WWOX: variants seen among roughly 807,000 people sequenced by gnomAD.
WWOX encodes the protein WW domain-containing oxidoreductase.
In WWOX, 69 loss-of-function variants were observed where a neutral mutation model predicts 46.2. The ratio of observed to expected loss-of-function variants is 1.49; its 90% CI spans 1.23 to 1.82. The LOEUF (loss-of-function observed/expected upper bound fraction) is 1.82. WWOX is among the 40% of genes most tolerant of loss of function. The probability of loss-of-function intolerance (pLI) is 0.00; values close to 1 mark genes in which losing one functional copy is unlikely to be tolerated. For synonymous variants in WWOX, 359 were observed against 202.6 expected, an observed-to-expected ratio of 1.77 and a Z score of -6.56; for missense variants, 919 against 542.6, an observed-to-expected ratio of 1.69 and a Z score of -6.89.
chr16:79,107,613 T>G (rs1041581367), intron 8 of WWOX, among the ~76,000 whole-genome samples: 1 of 152,098 alleles, frequency 6.6e-6, no homozygotes, highest in Non-Finnish European at 1.5e-5. Context: ...GATCACACTC[T>G]GCAGATCTCC....
At chr16:78,425,867 A>G (rs1741544898) in intron 7 of WWOX, among the ~76,000 whole-genome samples, 1 of 151,930 alleles carries the variant, frequency 6.6e-6, no homozygotes, top group African/African-American at 2.4e-5. Flanking sequence ...CAAGGGGCCT[A>G]TTTTTTCCTC....
At chr16:78,920,636 C>G (rs968461773) in intron 8 of WWOX, among the ~76,000 whole-genome samples, 2 of 152,102 alleles carry the variant, frequency 1.3e-5, no homozygotes, top group Non-Finnish European at 2.9e-5. Flanking sequence ...AGGTCAGGTA[C>G]CTGACCTGCT....
At chr16:78,808,642 C>T (rs753121537) in intron 8 of WWOX, among the ~76,000 whole-genome samples, 3 of 152,190 alleles carry the variant, frequency 2.0e-5, no homozygotes, top group Non-Finnish European at 2.9e-5. Flanking sequence ...AACAGAAAAA[C>T]ATGCCATCAT....
At chr16:78,113,252 A>G (rs1050177328) in intron 3 of WWOX, among the ~76,000 whole-genome samples, 2 of 152,182 alleles carry the variant, frequency 1.3e-5, no homozygotes, top group Non-Finnish European at 2.9e-5. Context: ...CTGCGCTCTA[A>G]TAGTCATCCA....
At chr16:78,365,776 G>A (rs1344723801) in intron 5 of WWOX, among the ~76,000 whole-genome samples, 5 of 151,970 alleles carry the variant, frequency 3.3e-5, no homozygotes, top group Admixed American at 1.3e-4. Context: ...GTGCTTCTGC[G>A]TGCCCCTCCT....
intron 8 of WWOX, among the ~76,000 whole-genome samples, chr16:79,030,709 C>G (rs562620021): frequency 1.2e-4 from 18 of 152,166 alleles, no homozygotes; most frequent in Non-Finnish European, 2.5e-4. Flanking sequence ...GTACCAGTAT[C>G]TTCTACCCTC....
At chr16:78,834,060 C>G (rs970686121) in intron 8 of WWOX, among the ~76,000 whole-genome samples, 7 of 152,256 alleles carry the variant, frequency 4.6e-5, no homozygotes, top group African/African-American at 1.4e-4. Flanking sequence ...AATCAGAACA[C>G]TGCTCACACA....
chr16:78,544,648 G>A (rs181084255), intron 8 of WWOX, among the ~76,000 whole-genome samples: 1 of 152,182 alleles, frequency 6.6e-6, no homozygotes, highest in African/African-American at 2.4e-5. Context: ...CACTTTGAGA[G>A]GATAACTTGA....
chr16:78,653,498 G>T (rs946909756), intron 8 of WWOX, among the ~76,000 whole-genome samples: 1 of 152,212 alleles, frequency 6.6e-6, no homozygotes, highest in Non-Finnish European at 1.5e-5. Flanking sequence ...CTGACCAATG[G>T]ATATGGAGGG....
At chr16:78,593,377 T>G (rs956214161) in intron 8 of WWOX, among the ~76,000 whole-genome samples, 1 of 152,190 alleles carries the variant, frequency 6.6e-6, no homozygotes, top group Non-Finnish European at 1.5e-5. Flanking sequence ...CTGACAGTTT[T>G]GTCTGCCCAG....
At position 78,459,916 on chromosome 16, in the gene WWOX, C is replaced by T. The variant is rs533197275; in HGVS notation, c.1056+27164C>T. The stretch of plus-strand genomic sequence containing the variant: ...ACCACCCTGGCTCAGGTGATCCTCC[C>T]ACCTCAGCCTCCCGGGTAGTTAGGG... On this transcript the variant is annotated intron_variant, in intron 8 of 8. Coordinates refer to ENST00000566780, the MANE Select transcript of WWOX (RefSeq NM_016373.4). Among the ~76,000 whole-genome samples the T allele has an allele frequency of 5.3e-5, 8 of 151,414 alleles. No homozygotes were observed. In the South Asian group the frequency reaches 1.7e-3, roughly 32 times the overall value.
chr16:78,667,798 C>G (rs17722137), intron 8 of WWOX, among the ~76,000 whole-genome samples: 1 of 151,966 alleles, frequency 6.6e-6, no homozygotes, highest in Non-Finnish European at 1.5e-5. Context: ...GTCTTTCTCT[C>G]GCATCAGCTT....
chr16:78,886,270 T>A (rs952261778), intron 8 of WWOX, among the ~76,000 whole-genome samples: 2 of 151,688 alleles, frequency 1.3e-5, no homozygotes, highest in African/African-American at 4.8e-5. Flanking sequence ...TGTACACATT[T>A]GGTATTTTTT....
At chr16:78,906,378 G>C (rs1297512732) in intron 8 of WWOX, among the ~76,000 whole-genome samples, 1 of 152,138 alleles carries the variant, frequency 6.6e-6, no homozygotes, top group Non-Finnish European at 1.5e-5. Flanking sequence ...TGCAAATATA[G>C]CCTGATAAGG....
At chr16:78,569,298 G>T (rs1468631760) in intron 8 of WWOX, among the ~76,000 whole-genome samples, 1 of 152,128 alleles carries the variant, frequency 6.6e-6, no homozygotes, top group Non-Finnish European at 1.5e-5. Context: ...AATCAAGGCA[G>T]TTTTCCTTTA....
chr16:78,716,065 G>T (rs1427905949), intron 8 of WWOX, among the ~76,000 whole-genome samples: 1 of 150,156 alleles, frequency 6.7e-6, no homozygotes, highest in Admixed American at 6.6e-5. Flanking sequence ...CTAAAGGAAA[G>T]GGGAAAAAAA....
intron 8 of WWOX, among the ~76,000 whole-genome samples, chr16:78,810,298 G>C (rs2051152573): frequency 6.6e-6 from 1 of 152,158 alleles, no homozygotes; most frequent in African/African-American, 2.4e-5. Context: ...TGGCAGCTTA[G>C]CTATGAAATA....
chr16:78,151,535 C>T (rs1011594844), intron 4 of WWOX, among the ~76,000 whole-genome samples: 1 of 152,216 alleles, frequency 6.6e-6, no homozygotes, highest in African/African-American at 2.4e-5. Flanking sequence ...AAGTGCTCCT[C>T]CTTACCTGGA....
At chr16:78,989,591 T>C (rs2046844339) in intron 8 of WWOX, among the ~76,000 whole-genome samples, 1 of 152,014 alleles carries the variant, frequency 6.6e-6, no homozygotes, top group African/African-American at 2.4e-5. Flanking sequence ...AAGACTTGTG[T>C]TTGGGGATAA....
Sources: allele counts gnomAD v4.1 joint callset (sites outside exome capture counted in the v4.1 genomes callset), GRCh38; gene constraint gnomAD v4.1.1; transcripts MANE v1.5; gene names NCBI Gene and HGNC (gene_info 2026-07-23, HGNC 2026-07-21).